The following IFT57 variants were observed in gnomAD, a reference collection of about 807,000 sequenced individuals.
IFT57 encodes the protein intraflagellar transport protein 57 homolog.
In IFT57, 59 loss-of-function variants were observed where a neutral mutation model predicts 56.8. The ratio of observed to expected loss-of-function variants is 1.04; its 90% CI spans 0.84 to 1.29. The LOEUF is 1.29. Ranked by LOEUF, IFT57 falls within the 50% of genes most tolerant of loss-of-function variation. The pLI is 0.00. For missense variants in IFT57, 470 were observed against 522.1 expected, an observed-to-expected ratio of 0.90 and a Z score of 0.97; for synonymous variants, 209 against 186.1, an observed-to-expected ratio of 1.12 and a Z score of -1.00.
chr3:108,210,759 C>T (rs1296522823), intron 4 of IFT57, among the ~76,000 whole-genome samples: 3 of 152,052 alleles, frequency 2.0e-5, no homozygotes, highest in Admixed American at 2.0e-4. Flanking sequence ...AAGAGGGCTC[C>T]TTAGAATAAT....
At chr3:108,172,751 T>C (rs2080101624) in intron 6 of IFT57, among the ~76,000 whole-genome samples, 1 of 151,832 alleles carries the variant, frequency 6.6e-6, no homozygotes, top group Admixed American at 6.6e-5. Context: ...CTTTAAGGTT[T>C]CCAGCTTGAG....
At chr3:108,165,401 G>A in intron 9 of IFT57, 30 bp downstream of exon 9, 1 of 1,589,426 alleles carries the variant, frequency 6.3e-7, no homozygotes, top group Non-Finnish European at 8.6e-7. Flanking sequence ...GCTGACAGGT[G>A]AGAAGCAGGG....
At position 108,163,702 on chromosome 3, in the gene IFT57, G is replaced by GT; in HGVS notation, c.1071dup (p.Gln358ThrfsTer12). 2 of 1,610,258 alleles carry GT rather than the reference G, an allele frequency of 1.2e-6. No individual in the cohort carries two copies. The highest frequency in any genetic ancestry group is 1.7e-6 in the Non-Finnish European group (2 of 1,177,390). On this transcript the variant is annotated frameshift_variant, in exon 10 of 11. Coordinates refer to ENST00000264538, the MANE Select transcript of IFT57 (RefSeq NM_018010.4). LOFTEE classifies it high-confidence loss of function. The stretch of plus-strand genomic sequence containing the variant: ...CTGCTGCCCTTTTCTTCCATTTCTT[G>GT]TTTTACCTTTTCTAATTCTTCCATA...
chr3:108,205,966 ATATAT>A (rs1560122254), intron 5 of IFT57, among the ~76,000 whole-genome samples: 67 of 77,536 alleles, frequency 8.6e-4, no homozygotes, highest in East Asian at 2.5e-3. Flanking sequence ...TAAATATATT[ATATAT>A]TTATATATAA....
intron 9 of IFT57, among the ~76,000 whole-genome samples, chr3:108,164,390 T>G (rs934284684): frequency 6.6e-6 from 1 of 152,048 alleles, no homozygotes; most frequent in African/African-American, 2.4e-5. Context: ...AATACTATCT[T>G]TAAGAAATTG....
Position 108,218,600 on chromosome 3 carries a change from A to G in IFT57, c.429T>C (p.His143=). ...PSKLKSGYGE[H]VCYVLDCFAE... Reference sequence around the variant, plus strand: ...CGAAGCAATCAAGAACATAGCATACATGTTCTCCATAACCTGACTTTAATT... The same window carrying G: ...CGAAGCAATCAAGAACATAGCATACGTGTTCTCCATAACCTGACTTTAATT... The change falls in exon 3 of 11, where the codon CAT becomes CAC. Residue 143 remains histidine (H), a synonymous_variant. Transcript: ENST00000264538. 6.4e-7 allele frequency: 1 copy of G among 1,573,000 alleles called. No individual in the cohort carries two copies. Among genetic ancestry groups the G allele is most frequent in the East Asian group, 2.4e-5 (1 of 42,420 alleles).
chr3:108,212,392 T>C (rs2080347042), intron 4 of IFT57, among the ~76,000 whole-genome samples: 1 of 152,048 alleles, frequency 6.6e-6, no homozygotes, highest in Admixed American at 6.5e-5. Context: ...TCAATGGTGA[T>C]ATAGTTTGGA....
intron 5 of IFT57, among the ~76,000 whole-genome samples, chr3:108,206,260 T>C (rs1170416251): frequency 6.6e-6 from 1 of 150,892 alleles, no homozygotes; most frequent in Non-Finnish European, 1.5e-5. Context: ...TTTAAAGAGC[T>C]ACAATTTAAA....
chr3:108,214,744 T>A (rs941497169), intron 3 of IFT57, among the ~76,000 whole-genome samples: 2 of 152,170 alleles, frequency 1.3e-5, no homozygotes, highest in Non-Finnish European at 2.9e-5. Flanking sequence ...TATTTGCACT[T>A]CTTTTTAGGT....
intron 4 of IFT57, among the ~76,000 whole-genome samples, chr3:108,211,072 T>A (rs1028846623): frequency 3.9e-5 from 6 of 152,214 alleles, no homozygotes; most frequent in Non-Finnish European, 8.8e-5. Context: ...TTAATGAGTA[T>A]GTACTATGCA....
chr3:108,201,307 A>G (rs575436138), intron 5 of IFT57, among the ~76,000 whole-genome samples: 20 of 152,328 alleles, frequency 1.3e-4, no homozygotes, highest in East Asian at 3.9e-4. Context: ...TTATTTCAAA[A>G]GTGGGTTGAA....
chr3:108,189,866 C>G, intron 6 of IFT57, among the ~76,000 whole-genome samples: 1 of 151,784 alleles, frequency 6.6e-6, no homozygotes, highest in East Asian at 1.9e-4. Context: ...TGCATTCTTA[C>G]AGCAAAGTAA....
At chr3:108,187,064 T>A (rs1192825961) in intron 6 of IFT57, among the ~76,000 whole-genome samples, 1 of 151,976 alleles carries the variant, frequency 6.6e-6, no homozygotes, top group African/African-American at 2.4e-5. Flanking sequence ...TGCACAGGGG[T>A]TGGCATCCCT....
intron 9 of IFT57, 73 bp downstream of exon 9, chr3:108,165,354 GTTAA>G: frequency 8.7e-7 from 1 of 1,150,082 alleles, no homozygotes; most frequent in Non-Finnish European, 1.3e-6. Context: ...AATTAGCAGT[GTTAA>G]ACCATTTGTA....
chr3:108,184,141 T>C (rs867676022), intron 6 of IFT57, among the ~76,000 whole-genome samples: 1 of 152,190 alleles, frequency 6.6e-6, no homozygotes, highest in Non-Finnish European at 1.5e-5. Context: ...CATTAGGTCA[T>C]AACCGAGGCA....
chr3:108,173,766 CTG>C (rs59233165), intron 6 of IFT57, among the ~76,000 whole-genome samples: 9,166 of 124,460 alleles, frequency 0.074, 350 homozygotes, highest in African/African-American at 0.12. Flanking sequence ...GTCAGGGACT[CTG>C]TGTGTGTGTG....
chr3:108,193,689 A>G (rs2080228418), intron 5 of IFT57, among the ~76,000 whole-genome samples: 1 of 152,198 alleles, frequency 6.6e-6, no homozygotes, highest in Non-Finnish European at 1.5e-5. Context: ...GCATTCACAA[A>G]GCAGATACAT....
chr3:108,201,844 C>A (rs1258506729), intron 5 of IFT57, among the ~76,000 whole-genome samples: 2 of 152,092 alleles, frequency 1.3e-5, no homozygotes, highest in Admixed American at 1.3e-4. Flanking sequence ...TGCAGTTTTG[C>A]CTAGATGAAA....
At chr3:108,192,089 G>C (rs577648256) in intron 5 of IFT57, among the ~76,000 whole-genome samples, 17 of 145,594 alleles carry the variant, frequency 1.2e-4, no homozygotes, top group Admixed American at 1.1e-3. Context: ...GGAGAATGGA[G>C]TAAACCCGGG....
Sources: allele counts gnomAD v4.1 joint callset (sites outside exome capture counted in the v4.1 genomes callset), GRCh38; gene constraint gnomAD v4.1.1; transcripts MANE v1.5; gene names NCBI Gene and HGNC (gene_info 2026-07-23, HGNC 2026-07-21).